CIMIP2A: variants seen among roughly 807,000 people sequenced by gnomAD.
CIMIP2A encodes the protein family with sequence similarity 166 member A.
the CIMIP2A span, chr9:137,244,711 G>T: frequency 6.2e-7 from 1 of 1,613,564 alleles, no homozygotes; most frequent in South Asian, 1.1e-5. Context: ...TTACCCAGGT[G>T]AAACGGGGAA....
the CIMIP2A span, chr9:137,253,104 T>A: frequency 1.3e-6 from 2 of 1,551,386 alleles, no homozygotes; most frequent in Non-Finnish European, 8.7e-7. Context: ...CCCAGCCTTC[T>A]CTTTCGGCAG....
the CIMIP2A span, chr9:137,245,793 C>G: frequency 2.6e-6 from 4 of 1,534,476 alleles, no homozygotes; most frequent in Non-Finnish European, 3.5e-6. Flanking sequence ...GCAGCTGCCC[C>G]GTGGTACGCC....
chr9:137,243,862 A>G, the CIMIP2A span: 3 of 1,516,322 alleles, frequency 2.0e-6, no homozygotes, highest in African/African-American at 1.4e-5. Context: ...CCCAGGCTTC[A>G]GAGAAGTGTG....
chr9:137,253,180 G>A, the CIMIP2A span: 80 of 1,606,376 alleles, frequency 5.0e-5, no homozygotes, highest in Non-Finnish European at 6.7e-5. Context: ...TTCGGCGCCT[G>A]GCGTGGTCAT....
the CIMIP2A span, chr9:137,244,755 A>G: frequency 1.9e-6 from 3 of 1,609,830 alleles, no homozygotes; most frequent in East Asian, 6.7e-5. Context: ...AGGCAGATGT[A>G]CGGGCTACCC....
the CIMIP2A span, chr9:137,243,841 T>A: frequency 6.3e-7 from 1 of 1,577,250 alleles, no homozygotes; most frequent in African/African-American, 1.3e-5. Flanking sequence ...AGGACCAGCA[T>A]GGGCTGGACA....
the CIMIP2A span, chr9:137,251,897 T>C: frequency 6.2e-7 from 1 of 1,605,842 alleles, no homozygotes; most frequent in Non-Finnish European, 8.5e-7. Flanking sequence ...GGGAACTATG[T>C]GAGTGAGGGT....
the CIMIP2A span, chr9:137,243,777 T>C: frequency 1.2e-6 from 2 of 1,613,920 alleles, no homozygotes; most frequent in Admixed American, 3.3e-5. Flanking sequence ...AGGGCGTAGT[T>C]GTCCTGCATG....
At chr9:137,247,084 G>A in the CIMIP2A span, among the ~76,000 whole-genome samples, 4 of 152,150 alleles carry the variant, frequency 2.6e-5, no homozygotes, top group Admixed American at 1.3e-4. Flanking sequence ...TCAGGAGTTC[G>A]AGACCAGCCT....
the CIMIP2A span, chr9:137,252,517 G>C: frequency 2.5e-5 from 39 of 1,573,056 alleles, no homozygotes; most frequent in Middle Eastern, 1.7e-4. Flanking sequence ...CTTCGACCAA[G>C]AGCAAAAGGT....
chr9:137,252,779 G>T, the CIMIP2A span: 1 of 1,561,534 alleles, frequency 6.4e-7, no homozygotes, highest in South Asian at 1.2e-5. Context: ...AGGGCTGCCT[G>T]GGGCTAGGGG....
At chr9:137,251,855 G>A in the CIMIP2A span, 4 of 1,608,336 alleles carry the variant, frequency 2.5e-6, no homozygotes, top group Non-Finnish European at 3.4e-6. Context: ...GCACCCCCCA[G>A]GAGTCCCTGC....
At chr9:137,252,985 A>C in the CIMIP2A span, 2 of 1,559,634 alleles carry the variant, frequency 1.3e-6, no homozygotes, top group Non-Finnish European at 1.7e-6. Flanking sequence ...CCTGGAGAGA[A>C]GAGGGCTAGG....
At chr9:137,245,010 C>G in the CIMIP2A span, 1 of 1,609,874 alleles carries the variant, frequency 6.2e-7, no homozygotes. Flanking sequence ...CCTGTGGCAG[C>G]CTCCTCAGGG....
the CIMIP2A span, among the ~76,000 whole-genome samples, chr9:137,246,638 C>G: frequency 6.6e-6 from 1 of 152,194 alleles, no homozygotes; most frequent in Non-Finnish European, 1.5e-5. Flanking sequence ...GTGGCGGGCC[C>G]TGTAGTCCCA....
chr9:137,245,277 G>A, the CIMIP2A span: 2,846 of 1,575,368 alleles, frequency 1.8e-3, 2 homozygotes, highest in Admixed American at 3.0e-3. Flanking sequence ...TGAGCGGAAT[G>A]GGCTTGGCAC....
At chr9:137,243,825 G>C in the CIMIP2A span, 1 of 1,605,118 alleles carries the variant, frequency 6.2e-7, no homozygotes, top group Admixed American at 1.7e-5. Context: ...CTGGGCTTAT[G>C]TGCCCAGGAC....
the CIMIP2A span, chr9:137,244,995 G>C: frequency 1.2e-6 from 2 of 1,608,330 alleles, no homozygotes; most frequent in Non-Finnish European, 1.7e-6. Flanking sequence ...CAGGAAAAGT[G>C]GGCCCCTGTG....
the CIMIP2A span, among the ~76,000 whole-genome samples, chr9:137,254,662 C>T: frequency 3.9e-5 from 6 of 152,114 alleles, no homozygotes; most frequent in African/African-American, 7.2e-5. Flanking sequence ...GCACAGCCTG[C>T]GGGAGGGCGG....
Sources: allele counts gnomAD v4.1 joint callset (sites outside exome capture counted in the v4.1 genomes callset), GRCh38; gene constraint gnomAD v4.1.1; transcripts MANE v1.5; gene names NCBI Gene and HGNC (gene_info 2026-07-23, HGNC 2026-07-21).